PPP6R2: variants seen among roughly 807,000 people sequenced by gnomAD.
PPP6R2 encodes protein phosphatase 6 regulatory subunit 2.
PPP6R2 carries 62 observed loss-of-function variants against 100.2 expected under a neutral mutation model. The observed-to-expected ratio is 0.62, with a 90% CI of 0.50 to 0.76. The LOEUF (loss-of-function observed/expected upper bound fraction) is 0.76. PPP6R2 is among the 30% of genes least tolerant of loss of function. The pLI is 0.00. For missense variants in PPP6R2, 1,142 were observed against 1,276.3 expected, an observed-to-expected ratio of 0.89 and a Z score of 1.60; for synonymous variants, 525 against 514.7, an observed-to-expected ratio of 1.02 and a Z score of -0.27.
At chr22:50,354,617 G>A (rs1034836067) in intron 1 of PPP6R2, among the ~76,000 whole-genome samples, 3 of 151,840 alleles carry the variant, frequency 2.0e-5, no homozygotes, top group African/African-American at 7.3e-5. Flanking sequence ...CCTGAGGTCC[G>A]GAGTTTGAGA....
chr22:50,351,026 G>GGCTT (rs1386357403), intron 1 of PPP6R2, among the ~76,000 whole-genome samples: 1 of 80,748 alleles, frequency 1.2e-5, no homozygotes, highest in African/African-American at 5.1e-5. Flanking sequence ...TCTCAACAGT[G>GGCTT]TTTTTTTTTT....
Position 50,395,932 on chromosome 22 carries a change from T to C in PPP6R2, c.227+1797T>C, listed in dbSNP as rs1003790132. 1.3e-4 allele frequency among the ~76,000 whole-genome samples: 20 copies of C among 150,254 alleles called. No homozygotes were observed. The East Asian group carries it at 2.9e-3, about 22-fold the overall frequency. ...ATCGAAGCTCGGGCATCGTGGCTCA[T>C]ACCTGTAATCCCAGCACTTTGGGAG... On this transcript the variant is annotated intron_variant, in intron 3 of 23. Transcript: ENST00000612753.
At chr22:50,404,230 C>G (rs9616952) in intron 3 of PPP6R2, among the ~76,000 whole-genome samples, 51,529 of 146,506 alleles carry the variant, frequency 0.35, 9,639 homozygotes, top group East Asian at 0.75. Context: ...CAGTAGCTGG[C>G]ATTACAGGCG....
chr22:50,339,014 G>GGT (rs372385602), upstream of PPP6R2, among the ~76,000 whole-genome samples: 8 of 132,038 alleles, frequency 6.1e-5, no homozygotes, highest in East Asian at 1.9e-3. Flanking sequence ...TGTGGTGTGT[G>GGT]GTGTGTGTGT....
chr22:50,337,634 TGTGTGGGTATA>T, the PPP6R2 span, among the ~76,000 whole-genome samples: 1 of 114,136 alleles, frequency 8.8e-6, no homozygotes, highest in South Asian at 2.4e-4. Context: ...GTATGTGTGC[TGTGTGGGTATA>T]GTGTGTGTGT....
At chr22:50,442,623 C>G (rs2065940888) in intron 22 of PPP6R2, among the ~76,000 whole-genome samples, 1 of 152,128 alleles carries the variant, frequency 6.6e-6, no homozygotes, top group South Asian at 2.1e-4. Context: ...AATCTTGGCT[C>G]CCTGCAACCT....
chr22:50,363,186 G>A (rs1324341746), intron 1 of PPP6R2, among the ~76,000 whole-genome samples: 1 of 152,182 alleles, frequency 6.6e-6, no homozygotes, highest in African/African-American at 2.4e-5. Context: ...GCTGGGGTGG[G>A]CCTGTCTCTG....
At chr22:50,382,336 T>C (rs12158838) in intron 2 of PPP6R2, among the ~76,000 whole-genome samples, 2,502 of 151,972 alleles carry the variant, frequency 0.016, 63 homozygotes, top group African/African-American at 0.047. Flanking sequence ...CGGTGGCTCA[T>C]GCCTGTAATC....
At chr22:50,359,973 CTTTA>C (rs2047443715) in intron 1 of PPP6R2, among the ~76,000 whole-genome samples, 1 of 150,304 alleles carries the variant, frequency 6.7e-6, no homozygotes, top group South Asian at 2.1e-4. Flanking sequence ...CTTAAAATGT[CTTTA>C]TTTATATTTT....
At chr22:50,377,315 C>T (rs962547228) in intron 2 of PPP6R2, among the ~76,000 whole-genome samples, 3 of 151,912 alleles carry the variant, frequency 2.0e-5, no homozygotes, top group Admixed American at 6.6e-5. Context: ...ATTAGCCAGG[C>T]GTGGTGGTGC....
intron 2 of PPP6R2, among the ~76,000 whole-genome samples, chr22:50,385,218 CAG>C (rs2053960482): frequency 6.6e-6 from 1 of 152,086 alleles, no homozygotes; most frequent in South Asian, 2.1e-4. Context: ...GTTTTGGAGA[CAG>C]AATCTCACGC....
At chr22:50,349,965 A>G (rs2044657529) in intron 1 of PPP6R2, among the ~76,000 whole-genome samples, 1 of 151,862 alleles carries the variant, frequency 6.6e-6, no homozygotes, top group African/African-American at 2.4e-5. Context: ...TAAAAATACA[A>G]AAATTAGCCA....
upstream of PPP6R2, among the ~76,000 whole-genome samples, chr22:50,339,800 G>A (rs1366254964): frequency 1.0e-4 from 10 of 97,090 alleles, no homozygotes; most frequent in Non-Finnish European, 2.0e-4. Flanking sequence ...TGTGTGTGGG[G>A]TATGTGTGTG....
intron 2 of PPP6R2, chr22:50,391,829 G>T (rs1358240999): frequency 6.6e-6 from 1 of 150,678 alleles, no homozygotes; most frequent in African/African-American, 2.4e-5. Flanking sequence ...CTTCTAGCAG[G>T]ATCCTATTTC....
rs1278771838 is a variant in PPP6R2, at chr22:50,444,614, T to C, written c.*367T>C. The C allele has an allele frequency of 1.0e-5, 2 of 196,178 alleles. No homozygotes were observed. Among genetic ancestry groups the C allele is most frequent in the South Asian group, 7.6e-5 (1 of 13,190 alleles). The allele number at this position is 196,178 out of a possible 1,614,324, so 12.2% of individuals were successfully genotyped here. A position where few individuals can be genotyped will look rare whatever the true frequency, so the allele number is the denominator to read the frequency against. ...AGGGCGTGGACATGGAGGCTGTTTTTACAGTTTTTTTTTTGTTGTTGTTTT... is the reference window on the plus strand; with the variant it reads ...AGGGCGTGGACATGGAGGCTGTTTTCACAGTTTTTTTTTTGTTGTTGTTTT... On this transcript the variant is annotated 3_prime_UTR_variant, in exon 24 of 24. Coordinates refer to ENST00000612753, the MANE Select transcript of PPP6R2 (RefSeq NM_001242898.2).
intron 3 of PPP6R2, among the ~76,000 whole-genome samples, chr22:50,401,799 A>T (rs2058089128): frequency 6.7e-6 from 1 of 148,782 alleles, no homozygotes; most frequent in South Asian, 2.2e-4. Flanking sequence ...CGCCCGGCTA[A>T]TTTTTTTGTA....
chr22:50,363,044 A>G (rs937680727), intron 1 of PPP6R2, among the ~76,000 whole-genome samples: 3 of 152,114 alleles, frequency 2.0e-5, no homozygotes, highest in African/African-American at 7.2e-5. Flanking sequence ...CCTGCATTTT[A>G]TTGGCCCACA....
At chr22:50,391,531 T>C (rs1450376720) in intron 2 of PPP6R2, among the ~76,000 whole-genome samples, 1 of 151,728 alleles carries the variant, frequency 6.6e-6, no homozygotes, top group African/African-American at 2.4e-5. Context: ...GGAGGACTGC[T>C]TGAGCCTGCA....
rs372004360 is a variant in PPP6R2 at position 50,394,155 on chromosome 22, C to A, written c.227+20C>A. 1.2e-6 allele frequency: 2 copies of A among 1,609,402 alleles called. No individual in the cohort carries two copies. Among genetic ancestry groups the A allele is most frequent in the Admixed American group, 3.3e-5 (2 of 59,930 alleles). On this transcript the variant is annotated intron_variant, in intron 3 of 23. Coordinates refer to ENST00000612753, the MANE Select transcript of PPP6R2 (RefSeq NM_001242898.2). The stretch of plus-strand genomic sequence containing the variant: ...CTTCAAGTATGTACCAAAGCTGTGA[C>A]GGGCCAGTACGCCAGGCAGTGCTGC...
Sources: gnomAD v4.1 joint callset for allele counts (sites outside exome capture counted in the v4.1 genomes callset) on GRCh38, gnomAD v4.1.1 for gene constraint, MANE v1.5 for transcripts, NCBI Gene and HGNC (gene_info 2026-07-23, HGNC 2026-07-21) for gene names.